PTPRM: variants seen among roughly 807,000 people sequenced by gnomAD.
PTPRM encodes the protein protein tyrosine phosphatase receptor type M, also known as receptor-type tyrosine-protein phosphatase mu.
A neutral mutation model predicts 186.7 loss-of-function variants in PTPRM; 47 were observed. The observed-to-expected ratio is 0.25, with a 90% CI of 0.20 to 0.32. PTPRM has a LOEUF of 0.32. PTPRM is among the 10% of genes least tolerant of loss of function. The pLI is 1.00. For synonymous variants in PTPRM, 668 were observed against 674.9 expected, an observed-to-expected ratio of 0.99 and a Z score of 0.16; for missense variants, 1,494 against 1,865.0, an observed-to-expected ratio of 0.80 and a Z score of 3.66.
At chr18:7,650,444 TC>T (rs10707334) in intron 1 of PTPRM, among the ~76,000 whole-genome samples, 23,939 of 85,382 alleles carry the variant, frequency 0.28, 3,168 homozygotes, top group East Asian at 0.55. Context: ...AACTTTCAAA[TC>T]CCCCCCCCCC....
intron 1 of PTPRM, among the ~76,000 whole-genome samples, chr18:7,773,727 C>G (rs956167895): frequency 5.9e-5 from 9 of 152,064 alleles, no homozygotes; most frequent in Non-Finnish European, 1.3e-4. Context: ...ATTACAGGTG[C>G]CTGCCATCAT....
At chr18:8,007,305 T>TTTATTA (rs929789650) in intron 7 of PTPRM, among the ~76,000 whole-genome samples, 1 of 152,052 alleles carries the variant, frequency 6.6e-6, no homozygotes, top group Non-Finnish European at 1.5e-5. Context: ...TGGAACATTC[T>TTTATTA]TTATTATTAT....
At chr18:7,724,252 CTTCT>C (rs1350622556) in intron 1 of PTPRM, among the ~76,000 whole-genome samples, 2 of 152,086 alleles carry the variant, frequency 1.3e-5, no homozygotes, top group Admixed American at 6.6e-5. Flanking sequence ...ATTTATAAAG[CTTCT>C]TTCTTCTTAT....
intron 5 of PTPRM, among the ~76,000 whole-genome samples, chr18:7,939,418 T>C (rs934988706): frequency 6.6e-6 from 1 of 152,194 alleles, no homozygotes; most frequent in Non-Finnish European, 1.5e-5. Flanking sequence ...CTGAAAGACT[T>C]AATATGTATC....
chr18:7,789,809 C>T lies in PTPRM; in HGVS notation c.196+15538C>T, dbSNP rs570489729. On this transcript the variant is annotated intron_variant, in intron 2 of 32. Transcript: ENST00000580170. ...AAAATGCCTATATTTTGTTCATATA[C>T]GGTTACCCTGGCACTGAAAAGAGAA... Among the ~76,000 whole-genome samples the T allele has an allele frequency of 2.2e-4, 34 of 152,256 alleles. No homozygotes were observed. The South Asian group carries it at 2.5e-3, about 11-fold the overall frequency.
At chr18:7,945,106 G>A (rs143364438) in intron 5 of PTPRM, among the ~76,000 whole-genome samples, 2 of 152,112 alleles carry the variant, frequency 1.3e-5, no homozygotes, top group African/African-American at 4.8e-5. Context: ...GGAGAGACTT[G>A]AACTAGCACA....
chr18:8,370,183 T>C (rs2095655340), intron 23 of PTPRM, among the ~76,000 whole-genome samples: 1 of 106,472 alleles, frequency 9.4e-6, no homozygotes, highest in Non-Finnish European at 2.1e-5. Context: ...AGAAAAACAT[T>C]CTTACCAAAA....
chr18:7,580,317 G>C (rs1210266883), intron 1 of PTPRM, among the ~76,000 whole-genome samples: 2 of 152,158 alleles, frequency 1.3e-5, no homozygotes, highest in Admixed American at 6.5e-5. Context: ...TACAGCATGA[G>C]GTTGCTTGCT....
chr18:8,174,905 C>T (rs1306287589), intron 14 of PTPRM, among the ~76,000 whole-genome samples: 1 of 152,220 alleles, frequency 6.6e-6, no homozygotes, highest in East Asian at 1.9e-4. Context: ...CTGACAGTCC[C>T]TGTGCTTTGG....
chr18:7,911,404 A>G (rs770411876), intron 4 of PTPRM, among the ~76,000 whole-genome samples: 1 of 152,168 alleles, frequency 6.6e-6, no homozygotes, highest in African/African-American at 2.4e-5. Context: ...GCAAATATTT[A>G]TGTCTTTAAA....
chr18:7,816,473 C>A (rs1377539180), intron 2 of PTPRM, among the ~76,000 whole-genome samples: 3 of 152,070 alleles, frequency 2.0e-5, no homozygotes, highest in Admixed American at 6.5e-5. Context: ...TAATAAATTA[C>A]AAATCTTGGC....
At position 8,378,307 on chromosome 18, in the gene PTPRM, C is replaced by T; in HGVS notation, c.3505C>T (p.Leu1169Phe). The T allele has an allele frequency of 6.2e-7, 1 of 1,612,896 alleles. No individual in the cohort carries two copies. The highest frequency in any genetic ancestry group is 8.5e-7 in the Non-Finnish European group (1 of 1,178,870). Residue 1169 changes from leucine to phenylalanine, a missense_variant, in exon 27 of 33, where the codon CTT (leucine) becomes TTT (phenylalanine). By Grantham distance (22) the Leu-to-Phe change is conservative. Around this residue, in one of 3 missense-constraint regions of PTPRM, gnomAD observed 1,107 missense variants for 1,350.2 expected, o/e 0.82. Coordinates refer to ENST00000580170, the MANE Select transcript of PTPRM (RefSeq NM_001105244.2). The part of the protein sequence containing the change: ...FIHDAILEAC[L>F]CGDTSVPASQ... The stretch of plus-strand genomic sequence containing the variant: ...CCACGATGCGATCCTGGAAGCCTGT[C>T]TTTGTGGGGACACCTCTGTGCCTGC...
At chr18:8,389,634 G>C (rs990936464) in intron 31 of PTPRM, among the ~76,000 whole-genome samples, 11 of 152,164 alleles carry the variant, frequency 7.2e-5, no homozygotes, top group African/African-American at 2.7e-4. Context: ...TAGCATCAAG[G>C]TGGGCATGAG....
chr18:7,707,350 C>T (rs771302806), intron 1 of PTPRM, among the ~76,000 whole-genome samples: 13 of 151,952 alleles, frequency 8.6e-5, no homozygotes, highest in Admixed American at 2.6e-4. Flanking sequence ...TGTTTAGGGT[C>T]AGAAGCATGA....
chr18:8,185,196 C>T (rs1285752189), intron 14 of PTPRM, among the ~76,000 whole-genome samples: 1 of 152,160 alleles, frequency 6.6e-6, no homozygotes, highest in African/African-American at 2.4e-5. Flanking sequence ...ATCCTTCTAT[C>T]CATGCCAAAT....
chr18:7,568,590 C>T lies in PTPRM; in HGVS notation c.73+699C>T, dbSNP rs942796005. On this transcript the variant is annotated intron_variant, in intron 1 of 32. Coordinates refer to ENST00000580170, the MANE Select transcript of PTPRM (RefSeq NM_001105244.2). The surrounding 1 kb of genome is among the most constrained non-coding windows in gnomAD (Gnocchi z 5.1). The stretch of plus-strand genomic sequence containing the variant: ...ACGGCCCTGCGCCCCGCTGGGCTCC[C>T]CCTCCCCACCCTCGTCCCCCTAGCG... Among the ~76,000 whole-genome samples the T allele has an allele frequency of 9.9e-5, 15 of 152,198 alleles. No individual in the cohort carries two copies. The highest frequency in any genetic ancestry group is 3.9e-4 in the East Asian group (2 of 5,172).
At chr18:8,115,372 G>C (rs1310256075) in intron 13 of PTPRM, among the ~76,000 whole-genome samples, 1 of 152,114 alleles carries the variant, frequency 6.6e-6, no homozygotes, top group Non-Finnish European at 1.5e-5. Flanking sequence ...GAGAGAATGT[G>C]ATAGAGGATG....
intron 13 of PTPRM, among the ~76,000 whole-genome samples, chr18:8,135,361 A>G (rs181478661): frequency 2.2e-3 from 339 of 152,310 alleles, no homozygotes; most frequent in Middle Eastern, 0.01. Context: ...TCATTTTGCC[A>G]TAGTCTGAAA....
intron 7 of PTPRM, among the ~76,000 whole-genome samples, chr18:7,995,277 G>C (rs919403934): frequency 1.3e-5 from 2 of 152,100 alleles, no homozygotes; most frequent in Non-Finnish European, 2.9e-5. Flanking sequence ...GATTGAATCA[G>C]TAATAAAAAG....
Sources: gnomAD v4.1 joint callset for allele counts (sites outside exome capture counted in the v4.1 genomes callset) on GRCh38, gnomAD v4.1.1 for gene constraint, gnomAD v4.1.1 regional missense constraint, Gnocchi (gnomAD v3.1) non-coding constraint, MANE v1.5 for transcripts, NCBI Gene and HGNC (gene_info 2026-07-23, HGNC 2026-07-21) for gene names.